The following PKDCC variants were observed in gnomAD, a reference collection of about 807,000 sequenced individuals.
PKDCC encodes the protein protein kinase domain containing, cytoplasmic.
A neutral mutation model predicts 44.7 loss-of-function variants in PKDCC; 35 were observed. The observed-to-expected ratio is 0.78, with a 90% confidence interval of 0.60 to 1.04. PKDCC has a LOEUF of 1.04. Among genes scored for constraint, PKDCC ranks in the 50% least tolerant of loss-of-function variants. The pLI, the probability that PKDCC is intolerant of heterozygous loss-of-function variation, is 0.00. For synonymous variants in PKDCC, 353 were observed against 303.3 expected (o/e 1.16, Z -1.70); for missense variants, 738 against 672.7 (o/e 1.10, Z -1.07).
intron 1 of PKDCC, among the ~76,000 whole-genome samples, chr2:42,050,752 G>T (rs554642088): frequency 1.3e-5 from 2 of 152,222 alleles, no homozygotes; most frequent in Admixed American, 6.5e-5. Flanking sequence ...GAGGGTCACA[G>T]GTCCTTTCTA....
Position 42,048,147 on chromosome 2 carries a change from G to A in PKDCC, c.-53G>A. On this transcript the variant is annotated 5_prime_UTR_variant, in exon 1 of 7. Transcript: ENST00000294964. The surrounding 1 kb of genome is among the most constrained non-coding windows in gnomAD (Gnocchi z 6.2). ...AGCCGCCTCGGAGCCTGAGCCGCCC[G>A]GGGCCGGGGCCGGGGAGCCGCGCGG... The A allele has an allele frequency of 1.0e-5, 10 of 987,856 alleles. No homozygotes were observed. The highest frequency in any genetic ancestry group is 1.1e-5 in the Non-Finnish European group (9 of 830,378). The allele number at this position is 987,856 out of a possible 1,614,324, so 61.2% of individuals were successfully genotyped here.
chr2:42,053,463 G>C (rs1331808566), intron 2 of PKDCC, 102 bp downstream of exon 2: 1 of 1,459,266 alleles, frequency 6.9e-7, no homozygotes, highest in Non-Finnish European at 9.2e-7. Flanking sequence ...TCCACCCAGG[G>C]AGAGGGAGGG....
intron 1 of PKDCC, among the ~76,000 whole-genome samples, chr2:42,049,859 C>T (rs1044115030): frequency 2.0e-5 from 3 of 152,296 alleles, no homozygotes; most frequent in South Asian, 2.1e-4. Flanking sequence ...GCTGTTGGCC[C>T]GGTGAACATG....
At position 42,055,409 on chromosome 2, in the gene PKDCC, C is replaced by A; in HGVS notation, c.1222+16C>A. The A allele has an allele frequency of 6.2e-7, 1 of 1,608,764 alleles. No individual in the cohort carries two copies. Among genetic ancestry groups the A allele is most frequent in the Non-Finnish European group, 8.5e-7 (1 of 1,176,844 alleles). On this transcript the variant is annotated intron_variant, in intron 5 of 6. Transcript: ENST00000294964. This position sits in a 1 kb window ranked among gnomAD's most constrained non-coding sequence, Gnocchi z 4.5. ...AGCAGTACCGGTGAGTGGCCCCAAG[C>A]TGATCCACAGGGAAGCAAGAAACAG...
At position 42,055,311 on chromosome 2, in the gene PKDCC, G is replaced by C; in HGVS notation, c.1140G>C (p.Glu380Asp). The C allele has an allele frequency of 6.2e-7, 1 of 1,613,582 alleles. No individual in the cohort carries two copies. The highest frequency in any genetic ancestry group is 8.5e-7 in the Non-Finnish European group (1 of 1,179,984). ...ATGELAWGVD[E>D]TLAQLEKVLH... Reference sequence around the variant, plus strand: ...GAGAGCTCGCCTGGGGGGTGGACGAGACCCTGGCCCAGCTGGAGAAGGTGC... The same window carrying C: ...GAGAGCTCGCCTGGGGGGTGGACGACACCCTGGCCCAGCTGGAGAAGGTGC... The change falls in exon 5 of 7, where the codon GAG becomes GAC. Residue 380 changes from glutamate (E) to aspartate (D), a missense_variant. Physicochemically the swap from Glu to Asp is conservative, Grantham distance 45 (BLOSUM62 2). Coordinates refer to ENST00000294964, the MANE Select transcript of PKDCC (RefSeq NM_138370.3). This position sits in a 1 kb window ranked among gnomAD's most constrained non-coding sequence, Gnocchi z 4.5.
chr2:42,055,342 C>T lies in PKDCC; in HGVS notation c.1171C>T (p.Leu391=), dbSNP rs1343392179. 4 of 1,613,790 alleles carry T rather than the reference C, an allele frequency of 2.5e-6. No homozygotes were observed. The South Asian group carries it at 3.3e-5, about 13-fold the overall frequency. The change falls in exon 5 of 7, where the codon CTG becomes TTG. Residue 391 remains leucine, a synonymous_variant. Coordinates refer to ENST00000294964, the MANE Select transcript of PKDCC (RefSeq NM_138370.3). The surrounding 1 kb of genome is among the most constrained non-coding windows in gnomAD (Gnocchi z 4.5). ...GGCCCAGCTGGAGAAGGTGCTGCAC[C>T]TGTACCGGAGCGGGCAGTATCTGCA... is the stretch of plus-strand genomic sequence containing the variant. ...TLAQLEKVLH[L]YRSGQYLQNS... is the part of the protein sequence containing the mutation.
chr2:42,054,426 A>C lies in PKDCC; in HGVS notation c.1034+119A>C, dbSNP rs916336956. On this transcript the variant is annotated intron_variant, in intron 3 of 6. Transcript: ENST00000294964. The surrounding 1 kb of genome is among the most constrained non-coding windows in gnomAD (Gnocchi z 6.1). The stretch of plus-strand genomic sequence containing the variant: ...GGGAGACTCAGCCTTGACCAGAGCA[A>C]GGGAAGGCTTCTACCCTGTCCAGAA... The C allele has an allele frequency of 2.4e-6, 3 of 1,243,418 alleles. No individual in the cohort carries two copies. The Admixed American group carries it at 7.1e-5, about 29-fold the overall frequency. 77.0% of individuals were successfully genotyped at this position (1,243,418 alleles called of 1,614,324 possible).
Position 42,053,377 on chromosome 2 carries a change from G to T in PKDCC, c.762+16G>T, listed in dbSNP as rs1668002081. 1.2e-6 allele frequency: 2 copies of T among 1,602,960 alleles called. No individual in the cohort carries two copies. The highest frequency in any genetic ancestry group is 1.7e-6 in the Non-Finnish European group (2 of 1,174,646). ...TCGATTCCGAGTGAGCTCAGAGGAGGGCTCGGGCCCTGGGCTCCTTGCTAG... is the reference window on the plus strand; with the variant it reads ...TCGATTCCGAGTGAGCTCAGAGGAGTGCTCGGGCCCTGGGCTCCTTGCTAG... On this transcript the variant is annotated intron_variant, in intron 2 of 6. Coordinates refer to ENST00000294964, the MANE Select transcript of PKDCC (RefSeq NM_138370.3).
At chr2:42,053,496 C>G in intron 2 of PKDCC, 135 bp downstream of exon 2, 1 of 1,239,298 alleles carries the variant, frequency 8.1e-7, no homozygotes, top group Non-Finnish European at 1.1e-6. Context: ...CAGGCTGACT[C>G]AGCCACCGGC....
Position 42,048,180 on chromosome 2 carries a change from C to A in PKDCC, c.-20C>A. The A allele has an allele frequency of 1.9e-6, 2 of 1,039,894 alleles. No individual in the cohort carries two copies. The highest frequency in any genetic ancestry group is 3.9e-5 in the South Asian group (1 of 25,646). 64.4% of individuals were successfully genotyped at this position (1,039,894 alleles called of 1,614,324 possible). A position where few individuals can be genotyped will look rare whatever the true frequency, so the allele number is the denominator to read the frequency against. On this transcript the variant is annotated 5_prime_UTR_variant, in exon 1 of 7. Coordinates refer to ENST00000294964, the MANE Select transcript of PKDCC (RefSeq NM_138370.3). The surrounding 1 kb of genome is among the most constrained non-coding windows in gnomAD (Gnocchi z 6.2). ...GGCCGGGGAGCCGCGCGGGGCCGGC[C>A]GGCCGGGGGGAGGGGAGCGATGCGG...
chr2:42,048,698 G>A lies in PKDCC; in HGVS notation c.499G>A (p.Ala167Thr). Residue 167 changes from alanine to threonine, a missense_variant, in exon 1 of 7, where the codon GCG becomes ACG. By Grantham distance (58) the Ala-to-Thr change is moderately conservative. Coordinates refer to ENST00000294964, the MANE Select transcript of PKDCC (RefSeq NM_138370.3). This position sits in a 1 kb window ranked among gnomAD's most constrained non-coding sequence, Gnocchi z 6.2. ...CGGCGGTGCCGCGGTGGCGCTCAAG[G>A]CGGTGGACTTTAGCGGCCACGATCT... is the stretch of plus-strand genomic sequence containing the variant. ...LPGGAAVALK[A>T]VDFSGHDLGS... 1.3e-6 allele frequency: 2 copies of A among 1,552,904 alleles called. No individual in the cohort carries two copies. The highest frequency in any genetic ancestry group is 8.7e-7 in the Non-Finnish European group (1 of 1,149,470).
chr2:42,051,086 T>C lies in PKDCC; in HGVS notation c.640-2153T>C, dbSNP rs1478655551. Among the ~76,000 whole-genome samples, 1 of 152,136 alleles carries C rather than the reference T, an allele frequency of 6.6e-6. No homozygotes were observed. The highest frequency in any genetic ancestry group is 1.9e-4 in the East Asian group (1 of 5,192). ...AGTGGTGCAGGCTCACCACCCTCCC[T>C]CTCTGAGCAGCCCAGAATTGGTGCT... is the stretch of plus-strand genomic sequence containing the variant. On this transcript the variant is annotated intron_variant, in intron 1 of 6. Coordinates refer to ENST00000294964, the MANE Select transcript of PKDCC (RefSeq NM_138370.3). The surrounding 1 kb of genome is among the most constrained non-coding windows in gnomAD (Gnocchi z 4.2).
At chr2:42,050,531 C>T (rs374979600) in intron 1 of PKDCC, among the ~76,000 whole-genome samples, 10 of 152,282 alleles carry the variant, frequency 6.6e-5, no homozygotes, top group Admixed American at 2.0e-4. Context: ...AGCTAACGCC[C>T]CACATATATA....
intron 5 of PKDCC, among the ~76,000 whole-genome samples, chr2:42,056,243 G>A (rs1337039403): frequency 6.6e-6 from 1 of 152,128 alleles, no homozygotes; most frequent in African/African-American, 2.4e-5. Flanking sequence ...TCAGTCCAGA[G>A]CTGGGGCTCT....
At position 42,058,122 on chromosome 2, in the gene PKDCC, T is replaced by C. The variant is rs1668089439; in HGVS notation, c.*434T>C. On this transcript the variant is annotated 3_prime_UTR_variant, in exon 7 of 7. Transcript: ENST00000294964. The surrounding 1 kb of genome is among the most constrained non-coding windows in gnomAD (Gnocchi z 4.2). ...GGGGCTGCGTGGGGACAATCCATCG[T>C]GGAGTGTTCTCTCAGCTTAGGTCTG... The C allele has an allele frequency of 2.2e-5, 4 of 179,760 alleles. No homozygotes were observed. In the South Asian group the frequency reaches 4.0e-4, roughly 18 times the overall value. The allele number at this position is 179,760 out of a possible 1,614,324, so 11.1% of individuals were successfully genotyped here.
intron 2 of PKDCC, among the ~76,000 whole-genome samples, 198 bp from the exon 3 acceptor site, chr2:42,053,838 A>G (rs991880743): frequency 3.3e-5 from 5 of 152,170 alleles, no homozygotes; most frequent in African/African-American, 1.2e-4. Flanking sequence ...GGGTCAGGCC[A>G]GCCGAGAGTT....
At chr2:42,049,712 G>T (rs558780310) in intron 1 of PKDCC, among the ~76,000 whole-genome samples, 13 of 152,286 alleles carry the variant, frequency 8.5e-5, no homozygotes, top group Non-Finnish European at 1.8e-4. Context: ...CTCCAAGCTA[G>T]ACTTTGAGTG....
intron 5 of PKDCC, among the ~76,000 whole-genome samples, chr2:42,056,536 C>G (rs757096479): frequency 2.7e-4 from 41 of 152,242 alleles, no homozygotes; most frequent in East Asian, 5.8e-4. Flanking sequence ...TGCTCTGAAC[C>G]CTTGCAGGCC....
chr2:42,048,333 C>G lies in PKDCC; in HGVS notation c.134C>G (p.Pro45Arg). 3.4e-6 allele frequency: 4 copies of G among 1,170,792 alleles called. No individual in the cohort carries two copies. The highest frequency in any genetic ancestry group is 1.6e-5 in the African/African-American group (1 of 60,994). The allele number at this position is 1,170,792 out of a possible 1,614,324, so 72.5% of individuals were successfully genotyped here. A position where few individuals can be genotyped will look rare whatever the true frequency, so the allele number is the denominator to read the frequency against. Residue 45 changes from proline (P) to arginine (R), a missense_variant, in exon 1 of 7, where the codon CCG becomes CGG. Coordinates refer to ENST00000294964, the MANE Select transcript of PKDCC (RefSeq NM_138370.3). The surrounding 1 kb of genome is among the most constrained non-coding windows in gnomAD (Gnocchi z 6.2). The stretch of plus-strand genomic sequence containing the variant: ...CAGTCCCCTGAGCCTTCGCCGGCCC[C>G]GGGTCCGGGCCGTCGCGGGGGCCGC... ...PGQSPEPSPA[P>R]GPGRRGGRGE...
Sources: allele counts gnomAD v4.1 joint callset (sites outside exome capture counted in the v4.1 genomes callset), GRCh38; gene constraint gnomAD v4.1.1; non-coding constraint Gnocchi (gnomAD v3.1); transcripts MANE v1.5; gene names NCBI Gene and HGNC (gene_info 2026-07-23, HGNC 2026-07-21).